DNAH9: variants seen among roughly 807,000 people sequenced by gnomAD.
The protein encoded by DNAH9 is DNAH9 variant protein.
DNAH9 carries 345 observed loss-of-function variants against 471.6 expected under a neutral mutation model. That is an observed-to-expected ratio of 0.73 (90% CI 0.67 to 0.80). The LOEUF (loss-of-function observed/expected upper bound fraction) is 0.80, where lower values mean the gene tolerates loss of function less well. Ranked by LOEUF, DNAH9 falls within the 30% of genes least tolerant of loss-of-function variation. The pLI is 0.00. For synonymous variants in DNAH9, 2,093 were observed against 2,123.6 expected (o/e 0.99, Z 0.40); for missense variants, 5,407 against 5,609.2 (o/e 0.96, Z 1.15).
chr17:11,655,901 C>G (rs962592147), intron 14 of DNAH9, among the ~76,000 whole-genome samples: 1 of 151,158 alleles, frequency 6.6e-6, no homozygotes, highest in Non-Finnish European at 1.5e-5. Flanking sequence ...CATATATATA[C>G]ACACACACAC....
chr17:11,813,185 C>T (rs553164600), intron 45 of DNAH9, among the ~76,000 whole-genome samples: 1 of 151,724 alleles, frequency 6.6e-6, no homozygotes, highest in East Asian at 1.9e-4. Context: ...TCAGCCGGTT[C>T]CAAAGTCATG....
intron 27 of DNAH9, among the ~76,000 whole-genome samples, chr17:11,725,617 A>G (rs1382173409): frequency 6.6e-6 from 1 of 152,138 alleles, no homozygotes; most frequent in Non-Finnish European, 1.5e-5. Flanking sequence ...CTGCAACTCA[A>G]ACACTTTGGG....
intron 17 of DNAH9, among the ~76,000 whole-genome samples, chr17:11,676,275 C>CTTTTTT (rs67397847): frequency 8.4e-4 from 62 of 73,888 alleles, no homozygotes; most frequent in African/African-American, 1.4e-3. Context: ...CATTTCTGTT[C>CTTTTTT]TTTTTTTTTT....
chr17:11,922,071 A>C (rs1974155589), intron 61 of DNAH9, among the ~76,000 whole-genome samples: 1 of 152,210 alleles, frequency 6.6e-6, no homozygotes, highest in Non-Finnish European at 1.5e-5. Context: ...TTTGCCAACT[A>C]AGATTTATAA....
intron 59 of DNAH9, among the ~76,000 whole-genome samples, chr17:11,899,163 T>C (rs1005979847): frequency 1.4e-5 from 2 of 143,874 alleles, no homozygotes; most frequent in South Asian, 4.7e-4. Context: ...ATAAGTATAA[T>C]TGAATAGGAC....
intron 29 of DNAH9, among the ~76,000 whole-genome samples, chr17:11,739,595 C>T (rs930921654): frequency 3.9e-5 from 6 of 152,166 alleles, no homozygotes; most frequent in Non-Finnish European, 5.9e-5. Context: ...GCTCTTGATA[C>T]ACATTGCCAA....
intron 62 of DNAH9, among the ~76,000 whole-genome samples, chr17:11,924,768 A>G (rs919479166): frequency 2.6e-5 from 4 of 151,440 alleles, no homozygotes; most frequent in Non-Finnish European, 5.9e-5. Flanking sequence ...GGATTACAGG[A>G]GCGTACCACC....
Position 11,960,435 on chromosome 17 carries a change from T to TAAAAAAAAAAAAAAAAAAA in DNAH9, c.12844-1423_12844-1405dup, listed in dbSNP as rs3074845. ...TGGGTGACAGAGCAAGACTCTGTCT[T>TAAAAAAAAAAAAAAAAAAA]AAAAAAAAAAAAAAAAAAAAAAAAA... On this transcript the variant is annotated intron_variant, in intron 67 of 68. Transcript: ENST00000262442. Among the ~76,000 whole-genome samples, 51 of 54,044 alleles carry TAAAAAAAAAAAAAAAAAAA rather than the reference T, an allele frequency of 9.4e-4. 2 individuals are homozygous for TAAAAAAAAAAAAAAAAAAA. The highest frequency in any genetic ancestry group is 2.8e-3 in the African/African-American group (36 of 12,816). 35.5% of individuals were successfully genotyped at this position (54,044 alleles called of 152,430 possible).
chr17:11,753,031 A>G, intron 33 of DNAH9, 71 bp downstream of exon 33: 1 of 1,315,046 alleles, frequency 7.6e-7, no homozygotes, highest in South Asian at 1.6e-5. Flanking sequence ...TGTGGCAGGC[A>G]TACTTGCAAA....
chr17:11,822,862 C>T lies in DNAH9; in HGVS notation c.9074C>T (p.Thr3025Ile), dbSNP rs1376190932. ...MAFVHTSVNQ[T>I]SQSYLSNEQR... is the part of the protein sequence containing the mutation. ...TTTGTCCACACAAGTGTCAACCAAA[C>T]ATCCCAGTCTTATCTGAGCAATGAA... The change falls in exon 48 of 69, where the codon ACA becomes ATA. Residue 3025 changes from threonine to isoleucine, a missense_variant. Transcript: ENST00000262442. 5 of 1,614,240 alleles carry T rather than the reference C, an allele frequency of 3.1e-6. No homozygotes were observed. The East Asian group carries it at 1.1e-4, about 36-fold the overall frequency.
chr17:11,658,878 A>G (rs1267932394), intron 14 of DNAH9, among the ~76,000 whole-genome samples: 2 of 151,952 alleles, frequency 1.3e-5, no homozygotes, highest in African/African-American at 4.8e-5. Context: ...CTTTTCATGT[A>G]TTATAGTATT....
chr17:11,706,957 C>T (rs2074713216), intron 26 of DNAH9, among the ~76,000 whole-genome samples: 1 of 152,124 alleles, frequency 6.6e-6, no homozygotes, highest in South Asian at 2.1e-4. Context: ...AGAATATATT[C>T]TTTATCCAGT....
intron 35 of DNAH9, among the ~76,000 whole-genome samples, chr17:11,759,911 C>T (rs1185702952): frequency 2.0e-5 from 3 of 152,124 alleles, no homozygotes; most frequent in African/African-American, 7.2e-5. Flanking sequence ...TGATCTTGAT[C>T]TCTTGACCTT....
chr17:11,805,835 G>C (rs934695575), intron 43 of DNAH9, among the ~76,000 whole-genome samples: 6 of 152,024 alleles, frequency 3.9e-5, no homozygotes, highest in Non-Finnish European at 7.4e-5. Flanking sequence ...TTACAGGCAT[G>C]AGCCACCACA....
At chr17:11,888,783 C>T (rs1039955190) in intron 57 of DNAH9, among the ~76,000 whole-genome samples, 12 of 152,168 alleles carry the variant, frequency 7.9e-5, no homozygotes, top group Non-Finnish European at 1.5e-4. Context: ...AAATGGGCCA[C>T]TGTAATTTCC....
At chr17:11,808,630 A>C (rs1056555020) in intron 44 of DNAH9, among the ~76,000 whole-genome samples, 1 of 152,190 alleles carries the variant, frequency 6.6e-6, no homozygotes, top group Non-Finnish European at 1.5e-5. Context: ...AAGGTCATAC[A>C]TCAAGTTCGT....
At position 11,889,056 on chromosome 17, in the gene DNAH9, AT is replaced by A. The variant is rs202196617; in HGVS notation, c.11112+2096del. On this transcript the variant is annotated intron_variant, in intron 57 of 68. Transcript: ENST00000262442. ...ATGGAACTTAAGTGGCAGTAAAGTA[AT>A]TTTTCTTCAAGATTTAGCCAAAGGC... 7.7e-3 allele frequency among the ~76,000 whole-genome samples: 1,180 copies of A among 152,308 alleles called. 16 individuals carry two copies. Among genetic ancestry groups the A allele is most frequent in the African/African-American group, 0.027 (1,108 of 41,554 alleles).
At chr17:11,784,748 T>C (rs1968802514) in intron 41 of DNAH9, among the ~76,000 whole-genome samples, 1 of 152,174 alleles carries the variant, frequency 6.6e-6, no homozygotes, top group South Asian at 2.1e-4. Flanking sequence ...GCCAATTAAA[T>C]TATTTCTCGG....
chr17:11,701,302 G>C, intron 24 of DNAH9, 55 bp downstream of exon 24: 1 of 1,580,788 alleles, frequency 6.3e-7, no homozygotes, highest in South Asian at 1.1e-5. Context: ...TTCCTCCGCA[G>C]CCTCCCCCAG....
Sources: allele counts gnomAD v4.1 joint callset (sites outside exome capture counted in the v4.1 genomes callset), GRCh38; gene constraint gnomAD v4.1.1; transcripts MANE v1.5; gene names NCBI Gene and HGNC (gene_info 2026-07-23, HGNC 2026-07-21).